DNAI4: variants seen among roughly 807,000 people sequenced by gnomAD.
DNAI4 encodes the protein dynein axonemal intermediate chain 4.
In DNAI4, 85 loss-of-function variants were observed where a neutral mutation model predicts 105.8. That is an observed-to-expected ratio of 0.80 (90% CI 0.67 to 0.96). The LOEUF (loss-of-function observed/expected upper bound fraction) is 0.96. DNAI4 is among the 40% of genes least tolerant of loss of function. The pLI is 0.00. For missense variants in DNAI4, 1,014 were observed against 1,005.6 expected, an observed-to-expected ratio of 1.01 and a Z score of -0.11; for synonymous variants, 352 against 331.5, an observed-to-expected ratio of 1.06 and a Z score of -0.67.
At chr1:66,924,572 C>G in intron 1 of DNAI4, 90 bp downstream of exon 1, 1 of 1,586,484 alleles carries the variant, frequency 6.3e-7, no homozygotes, top group Non-Finnish European at 8.6e-7. Context: ...GGTAGGGCCC[C>G]TTTCCAAATC....
rs752599376 is a variant in DNAI4, at chr1:66,862,354, T to G, written c.941-52A>C. On this transcript the variant is annotated intron_variant, in intron 6 of 16. Coordinates refer to ENST00000371026, the MANE Select transcript of DNAI4 (RefSeq NM_024763.5). ...ATTGTTTTAAACCAAATTCCAACAT[T>G]TTAGCTTTATACATAACTAGTCACA... The G allele has an allele frequency of 1.7e-5, 27 of 1,553,686 alleles. No homozygotes were observed. The East Asian group carries it at 5.5e-4, about 32-fold the overall frequency.
intron 13 of DNAI4, among the ~76,000 whole-genome samples, chr1:66,831,986 C>T (rs975489188): frequency 3.3e-5 from 5 of 152,090 alleles, no homozygotes; most frequent in Non-Finnish European, 7.3e-5. Flanking sequence ...TGGTGGCTGC[C>T]TGTACATTGA....
Position 66,858,498 on chromosome 1 carries a change from A to G in DNAI4, c.1096+3649T>C, listed in dbSNP as rs1004606766. Among the ~76,000 whole-genome samples the G allele has an allele frequency of 7.1e-5, 10 of 141,194 alleles. 1 individual carries two copies. The East Asian group carries it at 2.4e-3, about 34-fold the overall frequency. The allele number at this position is 141,194 out of a possible 152,430, so 92.6% of individuals were successfully genotyped here. ...CAGTGAGCCGAGATCAGGCCACAGC[A>G]TTCCAGCCTGGGCAACAGAGCAAGA... On this transcript the variant is annotated intron_variant, in intron 7 of 16. Transcript: ENST00000371026.
intron 1 of DNAI4, 33 bp from the exon 2 acceptor site, chr1:66,905,408 A>T: frequency 6.7e-6 from 9 of 1,350,778 alleles, no homozygotes; most frequent in Non-Finnish European, 8.7e-6. Flanking sequence ...AATGCAAAGG[A>T]TTCAAGATTG....
At chr1:66,857,497 A>G (rs925502229) in intron 7 of DNAI4, among the ~76,000 whole-genome samples, 8 of 152,042 alleles carry the variant, frequency 5.3e-5, no homozygotes, top group Non-Finnish European at 7.4e-5. Context: ...AAAAAGAAAA[A>G]AAAAGAAAAG....
rs1189549875 is a variant in DNAI4 at position 66,814,051 on chromosome 1, T to G, written c.*79A>C. 3 of 1,021,970 alleles carry G rather than the reference T, an allele frequency of 2.9e-6. No homozygotes were observed. The Admixed American group carries it at 8.1e-5, about 28-fold the overall frequency. The allele number at this position is 1,021,970 out of a possible 1,614,324, so 63.3% of individuals were successfully genotyped here. On this transcript the variant is annotated 3_prime_UTR_variant, in exon 17 of 17. Coordinates refer to ENST00000371026, the MANE Select transcript of DNAI4 (RefSeq NM_024763.5). ...ATTGTTTTCTGAAATCAAAATCTGG[T>G]GTACAGTATGTAATACAGAATATTG...
chr1:66,894,821 T>G (rs1016725930), intron 2 of DNAI4, among the ~76,000 whole-genome samples: 1 of 152,208 alleles, frequency 6.6e-6, no homozygotes, highest in Non-Finnish European at 1.5e-5. Context: ...TTATTAAGCC[T>G]GGTATCTAGG....
At chr1:66,882,224 AT>A (rs1431952297) in intron 4 of DNAI4, among the ~76,000 whole-genome samples, 1 of 152,212 alleles carries the variant, frequency 6.6e-6, no homozygotes, top group Non-Finnish European at 1.5e-5. Context: ...AAAGTCCGTT[AT>A]GATCTATTTG....
chr1:66,903,471 T>C (rs903692353), intron 2 of DNAI4, among the ~76,000 whole-genome samples: 1 of 152,166 alleles, frequency 6.6e-6, no homozygotes, highest in African/African-American at 2.4e-5. Context: ...GAGAGAACTT[T>C]ACTTCTTCCT....
In DNAI4 at chr1:66,893,424, T is replaced by C. The variant is rs1648036742; in HGVS notation, c.346-11A>G. On this transcript the variant is annotated splice_polypyrimidine_tract_variant and intron_variant, in intron 2 of 16. Transcript: ENST00000371026. ...ATTTATGTCAAATACCTGTTAAAAA[T>C]GGTTATTTAAAATGAAATAACTAAA... 6.8e-7 allele frequency: 1 copy of C among 1,473,432 alleles called. No homozygotes were observed. Among genetic ancestry groups the C allele is most frequent in the South Asian group, 1.5e-5 (1 of 68,350 alleles). The allele number at this position is 1,473,432 out of a possible 1,614,324, so 91.3% of individuals were successfully genotyped here. A position where few individuals can be genotyped will look rare whatever the true frequency, so the allele number is the denominator to read the frequency against.
chr1:66,881,023 C>G (rs1647058035), intron 4 of DNAI4, among the ~76,000 whole-genome samples: 1 of 152,196 alleles, frequency 6.6e-6, no homozygotes, highest in African/African-American at 2.4e-5. Context: ...AAGCCCCAAG[C>G]CTTGGCAGCT....
intron 7 of DNAI4, among the ~76,000 whole-genome samples, chr1:66,851,147 T>TA (rs1646388511): frequency 6.6e-6 from 1 of 151,030 alleles, no homozygotes; most frequent in Non-Finnish European, 1.5e-5. Context: ...AGTAAACAAA[T>TA]AAAAAAAGAT....
chr1:66,919,232 T>G (rs1650287215), intron 1 of DNAI4: 1 of 272,306 alleles, frequency 3.7e-6, no homozygotes, highest in African/African-American at 2.2e-5. Flanking sequence ...ACTTTCTAAA[T>G]TAACTGAGAC....
chr1:66,877,784 T>G (rs974439978), intron 4 of DNAI4, among the ~76,000 whole-genome samples: 2 of 152,206 alleles, frequency 1.3e-5, no homozygotes, highest in Admixed American at 6.5e-5. Context: ...TTGATGACTT[T>G]GAGAGTTTTG....
At chr1:66,842,821 G>A (rs1342785327) in intron 8 of DNAI4, among the ~76,000 whole-genome samples, 3 of 152,208 alleles carry the variant, frequency 2.0e-5, no homozygotes, top group Admixed American at 6.5e-5. Context: ...TTTGAGTGCT[G>A]TCAGTGTTTT....
chr1:66,913,480 G>A (rs1308690811), intron 1 of DNAI4, among the ~76,000 whole-genome samples: 3 of 152,168 alleles, frequency 2.0e-5, no homozygotes, highest in African/African-American at 4.8e-5. Flanking sequence ...CAAAGGAAAA[G>A]GGCATTTGCT....
Position 66,822,489 on chromosome 1 carries a change from T to C in DNAI4, c.2368A>G (p.Asn790Asp). Reference sequence around the variant, plus strand: ...ATGGTTGTGAACTTGATTCCAGGGTTAGCAGTATTCACAATCAGAGGGTCC... The same window carrying C: ...ATGGTTGTGAACTTGATTCCAGGGTCAGCAGTATTCACAATCAGAGGGTCC... ...TLDPLIVNTA[N>D]PGIKFTTILF... is the part of the protein sequence containing the mutation. Residue 790 changes from asparagine to aspartate, a missense_variant, in exon 16 of 17, where the codon AAC (asparagine) becomes GAC (aspartate). Coordinates refer to ENST00000371026, the MANE Select transcript of DNAI4 (RefSeq NM_024763.5). The C allele has an allele frequency of 6.2e-7, 1 of 1,611,202 alleles. No homozygotes were observed. Among genetic ancestry groups the C allele is most frequent in the Non-Finnish European group, 8.5e-7 (1 of 1,178,890 alleles).
intron 7 of DNAI4, among the ~76,000 whole-genome samples, chr1:66,851,840 G>A (rs1483051924): frequency 2.6e-5 from 4 of 151,344 alleles, no homozygotes; most frequent in Admixed American, 1.3e-4. Flanking sequence ...GGAAAGTCAA[G>A]TCAATAATCT....
At chr1:66,924,589 T>C (rs1650994344) in intron 1 of DNAI4, 73 bp downstream of exon 1, 2 of 1,604,234 alleles carry the variant, frequency 1.2e-6, no homozygotes, top group East Asian at 2.2e-5. Context: ...AATCCAGAAA[T>C]GGTATCTATT....
Sources: allele counts gnomAD v4.1 joint callset (sites outside exome capture counted in the v4.1 genomes callset), GRCh38; gene constraint gnomAD v4.1.1; transcripts MANE v1.5; gene names NCBI Gene and HGNC (gene_info 2026-07-23, HGNC 2026-07-21).